SGCZ: variants seen among roughly 807,000 people sequenced by gnomAD.
The protein encoded by SGCZ is sarcoglycan zeta.
Under a neutral mutation model 41.3 loss-of-function variants are expected in SGCZ, and 40 were observed. The ratio of observed to expected loss-of-function variants is 0.97; its 90% CI spans 0.75 to 1.26. The LOEUF is 1.26. Among genes scored for constraint, SGCZ ranks in the 50% most tolerant of loss-of-function variants. The probability of loss-of-function intolerance (pLI) is 0.00; values close to 1 mark genes in which losing one functional copy is unlikely to be tolerated. For synonymous variants in SGCZ, 206 were observed against 137.5 expected, an observed-to-expected ratio of 1.50 and a Z score of -3.49; for missense variants, 552 against 369.8, an observed-to-expected ratio of 1.49 and a Z score of -4.04.
intron 5 of SGCZ, among the ~76,000 whole-genome samples, chr8:14,121,539 G>A: frequency 6.6e-6 from 1 of 151,730 alleles, no homozygotes. Context: ...GGTTTTTTTG[G>A]TATTGCCGTT....
chr8:14,151,917 C>T (rs1474608855), intron 5 of SGCZ, among the ~76,000 whole-genome samples: 1 of 146,232 alleles, frequency 6.8e-6, no homozygotes, highest in African/African-American at 2.4e-5. Flanking sequence ...TTAAAACTCA[C>T]ATTTTGTACA....
At chr8:14,349,135 C>T (rs758000373) in intron 2 of SGCZ, among the ~76,000 whole-genome samples, 1 of 152,044 alleles carries the variant, frequency 6.6e-6, no homozygotes, top group Non-Finnish European at 1.5e-5. Flanking sequence ...ATTTAACATT[C>T]GTATGTTGTC....
At chr8:14,825,106 C>G (rs1051324624) in intron 1 of SGCZ, among the ~76,000 whole-genome samples, 1 of 151,692 alleles carries the variant, frequency 6.6e-6, no homozygotes, top group Non-Finnish European at 1.5e-5. Flanking sequence ...CAGCTAGTAA[C>G]CTACTGGTAA....
intron 1 of SGCZ, among the ~76,000 whole-genome samples, chr8:15,168,693 G>A (rs1008461437): frequency 3.3e-5 from 5 of 152,150 alleles, no homozygotes; most frequent in African/African-American, 1.2e-4. Context: ...TACCCATTTC[G>A]AATGCATCCT....
intron 1 of SGCZ, among the ~76,000 whole-genome samples, chr8:15,071,725 T>C (rs1805355875): frequency 6.6e-6 from 1 of 152,166 alleles, no homozygotes; most frequent in Non-Finnish European, 1.5e-5. Context: ...AGACCAGCTT[T>C]TGTAACCTTC....
At chr8:14,796,665 G>A (rs1200031745) in intron 1 of SGCZ, among the ~76,000 whole-genome samples, 1 of 152,146 alleles carries the variant, frequency 6.6e-6, no homozygotes, top group East Asian at 1.9e-4. Context: ...GAATGAATAA[G>A]ACTCTTAGTA....
intron 7 of SGCZ, among the ~76,000 whole-genome samples, chr8:14,099,274 A>G (rs1031069218): frequency 2.6e-5 from 4 of 152,140 alleles, no homozygotes; most frequent in Non-Finnish European, 5.9e-5. Context: ...GCTCTTCAAT[A>G]TTGTCTTATA....
intron 1 of SGCZ, among the ~76,000 whole-genome samples, chr8:14,571,119 C>A (rs1000269650): frequency 3.9e-5 from 6 of 152,078 alleles, no homozygotes; most frequent in African/African-American, 7.2e-5. Flanking sequence ...AGGAAACTTA[C>A]AATCTTGGTG....
intron 2 of SGCZ, among the ~76,000 whole-genome samples, chr8:14,401,274 TTTTA>T (rs142677946): frequency 0.027 from 3,829 of 143,670 alleles, 141 homozygotes; most frequent in African/African-American, 0.084. Flanking sequence ...ATAGTTTTAT[TTTTA>T]TTTATTTTTT....
intron 1 of SGCZ, among the ~76,000 whole-genome samples, chr8:15,000,648 G>C (rs376264681): frequency 6.6e-6 from 1 of 152,054 alleles, no homozygotes; most frequent in African/African-American, 2.4e-5. Context: ...AGATGGCACC[G>C]CTCAACTGGA....
At chr8:15,023,604 G>A (rs1334184670) in intron 1 of SGCZ, among the ~76,000 whole-genome samples, 1 of 152,118 alleles carries the variant, frequency 6.6e-6, no homozygotes. Context: ...TATTCAGAAA[G>A]CTTTATAGAA....
intron 4 of SGCZ, among the ~76,000 whole-genome samples, chr8:14,171,522 A>C (rs1585199199): frequency 1.3e-5 from 2 of 152,036 alleles, no homozygotes; most frequent in African/African-American, 4.8e-5. Context: ...TGAAATTTCA[A>C]ATTTTTTCTC....
chr8:14,830,791 G>T (rs1802499786), intron 1 of SGCZ, among the ~76,000 whole-genome samples: 1 of 152,008 alleles, frequency 6.6e-6, no homozygotes, highest in Admixed American at 6.6e-5. Flanking sequence ...ATCTCAAAAG[G>T]TATGCAAGCT....
intron 2 of SGCZ, among the ~76,000 whole-genome samples, chr8:14,496,693 TTTAC>T (rs1233555115): frequency 6.6e-6 from 1 of 152,166 alleles, no homozygotes; most frequent in Non-Finnish European, 1.5e-5. Context: ...TCTCTCTGGT[TTTAC>T]TTATTTATTT....
intron 1 of SGCZ, among the ~76,000 whole-genome samples, chr8:15,181,117 T>C (rs1030854376): frequency 2.0e-5 from 3 of 152,122 alleles, no homozygotes; most frequent in Admixed American, 6.5e-5. Context: ...GAACTTTTAA[T>C]GAGAAAAAAT....
intron 1 of SGCZ, among the ~76,000 whole-genome samples, chr8:15,071,455 C>A (rs1357989528): frequency 6.6e-6 from 1 of 152,160 alleles, no homozygotes; most frequent in Non-Finnish European, 1.5e-5. Context: ...ATACTAGACA[C>A]ATACTTAAAG....
chr8:15,237,326 A>C (rs1217115879), intron 1 of SGCZ, among the ~76,000 whole-genome samples: 1 of 151,952 alleles, frequency 6.6e-6, no homozygotes, highest in Non-Finnish European at 1.5e-5. Flanking sequence ...GACCAGGAGG[A>C]GGACGGGGTG....
intron 1 of SGCZ, among the ~76,000 whole-genome samples, chr8:14,924,858 T>C (rs1041661668): frequency 1.6e-5 from 2 of 123,880 alleles, no homozygotes; most frequent in Admixed American, 7.5e-5. Flanking sequence ...TTTAAGACTT[T>C]TTTTTTTTTT....
chr8:14,355,068 C>T (rs192370384), intron 2 of SGCZ, among the ~76,000 whole-genome samples: 1 of 151,858 alleles, frequency 6.6e-6, no homozygotes, highest in Admixed American at 6.6e-5. Context: ...AGACATTTGC[C>T]CCAACACTAT....
Sources: gnomAD v4.1 joint callset for allele counts (sites outside exome capture counted in the v4.1 genomes callset) on GRCh38, gnomAD v4.1.1 for gene constraint, MANE v1.5 for transcripts, NCBI Gene and HGNC (gene_info 2026-07-23, HGNC 2026-07-21) for gene names.